RAMP1: variants seen among roughly 807,000 people sequenced by gnomAD.
RAMP1 encodes the protein receptor activity-modifying protein 1.
Under a neutral mutation model 8.2 loss-of-function variants are expected in RAMP1, and 7 were observed. The ratio of observed to expected loss-of-function variants is 0.85; its 90% confidence interval spans 0.49 to 1.60. The LOEUF (loss-of-function observed/expected upper bound fraction) is 1.60. RAMP1 is among the 40% of genes most tolerant of loss of function. The pLI, the probability that RAMP1 is intolerant of heterozygous loss-of-function variation, is 0.00. For synonymous variants in RAMP1, 92 were observed against 84.7 expected (o/e 1.09, Z -0.47); for missense variants, 192 against 202.4 (o/e 0.95, Z 0.31).
intron 2 of RAMP1, among the ~76,000 whole-genome samples, chr2:237,896,260 C>CGCCT (rs1188756047): frequency 6.6e-6 from 1 of 152,230 alleles, no homozygotes; most frequent in South Asian, 2.1e-4. Flanking sequence ...CCCGTCCGCC[C>CGCCT]GCCTGCTGTG....
At chr2:237,902,581 G>A (rs1022803738) in intron 2 of RAMP1, among the ~76,000 whole-genome samples, 10 of 151,994 alleles carry the variant, frequency 6.6e-5, no homozygotes, top group East Asian at 3.9e-4. Context: ...TGGGTCCCGC[G>A]GGGCCCCCAG....
rs529217308 is a variant in RAMP1 at position 237,900,222 on chromosome 2, C to T, written c.192-11306C>T. ...TCGCCCAGGCTGGAGTGCAGTGGCA[C>T]GATCTCGACTCACTGCAACCTCTGC... On this transcript the variant is annotated intron_variant, in intron 2 of 2. Transcript: ENST00000254661. Among the ~76,000 whole-genome samples, 61 of 152,274 alleles carry T rather than the reference C, an allele frequency of 4.0e-4. No homozygotes were observed. In the South Asian group the frequency reaches 9.9e-3, roughly 25 times the overall value.
intron 2 of RAMP1, among the ~76,000 whole-genome samples, chr2:237,883,631 C>A (rs1483126599): frequency 1.3e-5 from 2 of 152,082 alleles, no homozygotes; most frequent in African/African-American, 4.8e-5. Context: ...GCCTGGACAA[C>A]AAAGTGAGAC....
At chr2:237,864,643 G>A (rs1231056790) in intron 1 of RAMP1, among the ~76,000 whole-genome samples, 6 of 152,228 alleles carry the variant, frequency 3.9e-5, no homozygotes, top group African/African-American at 1.2e-4. Context: ...AAGGACAGGG[G>A]TGCAGAGCAG....
At chr2:237,868,912 C>A (rs573186372) in intron 1 of RAMP1, among the ~76,000 whole-genome samples, 14 of 152,168 alleles carry the variant, frequency 9.2e-5, no homozygotes, top group Admixed American at 2.6e-4. Flanking sequence ...GGGGGCAGAG[C>A]GGGAACCACA....
At chr2:237,890,788 G>A (rs1235661904) in intron 2 of RAMP1, among the ~76,000 whole-genome samples, 1 of 152,246 alleles carries the variant, frequency 6.6e-6, no homozygotes, top group South Asian at 2.1e-4. Context: ...TGTTTTTGCT[G>A]TGTTTCTTCT....
intron 2 of RAMP1, among the ~76,000 whole-genome samples, chr2:237,899,543 C>A (rs985227876): frequency 1.3e-5 from 2 of 152,132 alleles, no homozygotes; most frequent in African/African-American, 4.8e-5. Context: ...TTTGTAGTAA[C>A]AGGTTTAAAG....
At position 237,890,729 on chromosome 2, in the gene RAMP1, TCCTTTACGTGTTTAATATC is replaced by T. The variant is rs149731033; in HGVS notation, c.191+13372_191+13390del. Among the ~76,000 whole-genome samples, 194 of 152,354 alleles carry T rather than the reference TCCTTTACGTGTTTAATATC, an allele frequency of 1.3e-3. 1 individual carries two copies. The highest frequency in any genetic ancestry group is 4.4e-3 in the African/African-American group (182 of 41,576). On this transcript the variant is annotated intron_variant, in intron 2 of 2. Coordinates refer to ENST00000254661, the MANE Select transcript of RAMP1 (RefSeq NM_005855.4). ...TTAACTGAAACATGCTGCATAGTAT[TCCTTTACGTGTTTAATATC>T]CCTTAGACTCAAGCTTATGCCTCCA... is the stretch of plus-strand genomic sequence containing the variant.
rs1276555909 is a variant in RAMP1, at chr2:237,877,620, A to G, written c.191+258A>G. 6.6e-6 allele frequency among the ~76,000 whole-genome samples: 1 copy of G among 152,148 alleles called. No individual in the cohort carries two copies. Among genetic ancestry groups the G allele is most frequent in the African/African-American group, 2.4e-5 (1 of 41,438 alleles). ...GGTTCAGACTGGGCCATGTCCAGCCAGAGATGCCCGCGGCCTCTCCAAGGG... is the reference window on the plus strand; with the variant it reads ...GGTTCAGACTGGGCCATGTCCAGCCGGAGATGCCCGCGGCCTCTCCAAGGG... On this transcript the variant is annotated intron_variant, in intron 2 of 2. Coordinates refer to ENST00000254661, the MANE Select transcript of RAMP1 (RefSeq NM_005855.4). This position sits in a 1 kb window ranked among gnomAD's most constrained non-coding sequence, Gnocchi z 4.4.
rs147551039 is a variant in RAMP1, at chr2:237,889,234, C to T, written c.191+11872C>T. ...CCTCATCAGTCAGTGACCGTGTGAC[C>T]TCCGCACAGCTGTAACTGTCCACAG... On this transcript the variant is annotated intron_variant, in intron 2 of 2. Transcript: ENST00000254661. Among the ~76,000 whole-genome samples, 417 of 152,316 alleles carry T rather than the reference C, an allele frequency of 2.7e-3. 2 individuals are homozygous for T. Among genetic ancestry groups the T allele is most frequent in the African/African-American group, 9.5e-3 (395 of 41,568 alleles).
rs533562559 is a variant in RAMP1, at chr2:237,862,586, C to T, written c.52+2859C>T. ...ATAGCTTCTAATCAGTTACAACTGGCGTCTGGCTGACTGTGTGATGCAGGT... is the reference window on the plus strand; with the variant it reads ...ATAGCTTCTAATCAGTTACAACTGGTGTCTGGCTGACTGTGTGATGCAGGT... On this transcript the variant is annotated intron_variant, in intron 1 of 2. Transcript: ENST00000254661. This position sits in a 1 kb window ranked among gnomAD's most constrained non-coding sequence, Gnocchi z 4.0. Among the ~76,000 whole-genome samples the T allele has an allele frequency of 3.3e-5, 5 of 152,338 alleles. No homozygotes were observed. The highest frequency in any genetic ancestry group is 2.1e-4 in the South Asian group (1 of 4,830).
intron 2 of RAMP1, among the ~76,000 whole-genome samples, chr2:237,908,318 C>T (rs931843361): frequency 2.6e-5 from 4 of 152,170 alleles, no homozygotes; most frequent in African/African-American, 7.2e-5. Context: ...CTGTGCCCTT[C>T]ACCCCAGCAT....
chr2:237,865,273 GAGGGGAGGGGAGAGC>G lies in RAMP1; in HGVS notation c.52+5554_52+5568del, dbSNP rs1253122270. 3.2e-4 allele frequency among the ~76,000 whole-genome samples: 45 copies of G among 142,160 alleles called. No homozygotes were observed. The highest frequency in any genetic ancestry group is 1.0e-3 in the African/African-American group (40 of 38,180). The allele number at this position is 142,160 out of a possible 152,430, so 93.3% of individuals were successfully genotyped here. On this transcript the variant is annotated intron_variant, in intron 1 of 2. Transcript: ENST00000254661. This position sits in a 1 kb window ranked among gnomAD's most constrained non-coding sequence, Gnocchi z 4.2. ...CAGGGCAGGGGAGAAGAGAGGAGAG[GAGGGGAGGGGAGAGC>G]AGGGGAGAGGAGAGGAGGGGAGGGC... is the stretch of plus-strand genomic sequence containing the variant.
chr2:237,911,174 A>T (rs1261709415), intron 2 of RAMP1, among the ~76,000 whole-genome samples: 1 of 152,274 alleles, frequency 6.6e-6, no homozygotes, highest in Non-Finnish European at 1.5e-5. Flanking sequence ...CCAGCCTGCG[A>T]CCTTGCCCAG....
At chr2:237,863,539 G>A (rs536490206) in intron 1 of RAMP1, among the ~76,000 whole-genome samples, 3 of 152,284 alleles carry the variant, frequency 2.0e-5, no homozygotes, top group South Asian at 4.1e-4. Flanking sequence ...AAACAAAATC[G>A]TACTCACTTC....
chr2:237,881,392 C>T (rs964849832), intron 2 of RAMP1, among the ~76,000 whole-genome samples: 6 of 152,258 alleles, frequency 3.9e-5, no homozygotes, highest in East Asian at 1.9e-4. Flanking sequence ...GATGGCCTCA[C>T]GCATCCGTGT....
In RAMP1 at chr2:237,877,629, C is replaced by T. The variant is rs2062322395; in HGVS notation, c.191+267C>T. 6.6e-6 allele frequency among the ~76,000 whole-genome samples: 1 copy of T among 152,138 alleles called. No homozygotes were observed. The highest frequency in any genetic ancestry group is 1.5e-5 in the Non-Finnish European group (1 of 68,008). ...TGGGCCATGTCCAGCCAGAGATGCC[C>T]GCGGCCTCTCCAAGGGCAGGCGCCT... On this transcript the variant is annotated intron_variant, in intron 2 of 2. Transcript: ENST00000254661. This position sits in a 1 kb window ranked among gnomAD's most constrained non-coding sequence, Gnocchi z 4.4.
rs1340344216 is a variant in RAMP1, at chr2:237,862,343, T to C, written c.52+2616T>C. On this transcript the variant is annotated intron_variant, in intron 1 of 2. Transcript: ENST00000254661. The surrounding 1 kb of genome is among the most constrained non-coding windows in gnomAD (Gnocchi z 4.0). ...TGTTTGTTTACCCTCTCTGTGTGTCTAGCTGCAGGAAGAAATTTCTGGATT... is the reference window on the plus strand; with the variant it reads ...TGTTTGTTTACCCTCTCTGTGTGTCCAGCTGCAGGAAGAAATTTCTGGATT... 6.6e-6 allele frequency among the ~76,000 whole-genome samples: 1 copy of C among 152,220 alleles called. No individual in the cohort carries two copies. Among genetic ancestry groups the C allele is most frequent in the Non-Finnish European group, 1.5e-5 (1 of 68,034 alleles).
At position 237,878,083 on chromosome 2, in the gene RAMP1, G is replaced by A. The variant is rs932800654; in HGVS notation, c.191+721G>A. The A allele has an allele frequency of 3.1e-5, 31 of 985,356 alleles. No homozygotes were observed. The highest frequency in any genetic ancestry group is 3.7e-5 in the Non-Finnish European group (31 of 829,938). 61.0% of individuals were successfully genotyped at this position (985,356 alleles called of 1,614,324 possible). A position where few individuals can be genotyped will look rare whatever the true frequency, so the allele number is the denominator to read the frequency against. On this transcript the variant is annotated intron_variant, in intron 2 of 2. Coordinates refer to ENST00000254661, the MANE Select transcript of RAMP1 (RefSeq NM_005855.4). The surrounding 1 kb of genome is among the most constrained non-coding windows in gnomAD (Gnocchi z 5.7). ...CCTTGTTTCTGCCTCCGTGGGAGGC[G>A]CTGGGGTGTCCTGGGGCTGCAGTGG...
Sources: allele counts gnomAD v4.1 joint callset (sites outside exome capture counted in the v4.1 genomes callset), GRCh38; gene constraint gnomAD v4.1.1; non-coding constraint Gnocchi (gnomAD v3.1); transcripts MANE v1.5; gene names NCBI Gene and HGNC (gene_info 2026-07-23, HGNC 2026-07-21).